CFAP54: variants seen among roughly 807,000 people sequenced by gnomAD.
CFAP54 encodes cilia- and flagella-associated protein 54.
Under a neutral mutation model 370.4 loss-of-function variants are expected in CFAP54, and 290 were observed. The observed-to-expected ratio is 0.78, with a 90% CI of 0.71 to 0.86. The LOEUF is 0.86. CFAP54 is among the 40% of genes least tolerant of loss of function. CFAP54 has a pLI of 0.00. For synonymous variants in CFAP54, 1,206 were observed against 1,236.5 expected, an observed-to-expected ratio of 0.98 and a Z score of 0.52; for missense variants, 3,399 against 3,528.7, an observed-to-expected ratio of 0.96 and a Z score of 0.93.
At chr12:96,729,684 G>A (rs1310001233) in intron 50 of CFAP54, among the ~76,000 whole-genome samples, 3 of 152,194 alleles carry the variant, frequency 2.0e-5, no homozygotes, top group South Asian at 2.1e-4. Flanking sequence ...CGCACGGCGC[G>A]CTGCACCCAC....
At chr12:96,760,292 T>A (rs1958319860) in intron 58 of CFAP54, among the ~76,000 whole-genome samples, 1 of 152,104 alleles carries the variant, frequency 6.6e-6, no homozygotes, top group Admixed American at 6.5e-5. Context: ...AGAGGTATAA[T>A]TTCCATCCAT....
intron 11 of CFAP54, among the ~76,000 whole-genome samples, chr12:96,535,311 A>C (rs1955490387): frequency 6.6e-6 from 1 of 152,168 alleles, no homozygotes; most frequent in African/African-American, 2.4e-5. Context: ...CAGCCTCCCA[A>C]AGTGCTGGGA....
rs75216016 is a variant in CFAP54, at chr12:96,526,065, C to T, written c.1159-1181C>T. Among the ~76,000 whole-genome samples, 528 of 152,230 alleles carry T rather than the reference C, an allele frequency of 3.5e-3. 5 individuals carry two copies. The highest frequency in any genetic ancestry group is 0.012 in the African/African-American group (486 of 41,540). On this transcript the variant is annotated intron_variant, in intron 8 of 67. Coordinates refer to ENST00000524981, the MANE Select transcript of CFAP54 (RefSeq NM_001306084.2). ...TTATGAGTAGGGAAGCTAGTGCTTG[C>T]GGGAAAGTAGTTCAAGGCAACTTTA... is the stretch of plus-strand genomic sequence containing the variant.
intron 50 of CFAP54, among the ~76,000 whole-genome samples, chr12:96,734,294 C>G (rs1957956329): frequency 6.6e-6 from 1 of 152,122 alleles, no homozygotes; most frequent in Non-Finnish European, 1.5e-5. Flanking sequence ...TAATAGCTAG[C>G]ATGCATTATG....
chr12:96,643,652 A>T (rs1456969085), intron 32 of CFAP54, among the ~76,000 whole-genome samples: 16 of 151,734 alleles, frequency 1.1e-4, no homozygotes, highest in Non-Finnish European at 5.9e-5. Context: ...CTATTAGCTA[A>T]AATTTGAGTA....
chr12:96,829,939 G>C (rs949185699), intron 66 of CFAP54, among the ~76,000 whole-genome samples: 2 of 151,990 alleles, frequency 1.3e-5, no homozygotes, highest in African/African-American at 4.8e-5. Context: ...CTACGAATTT[G>C]TCTATTCTAG....
At position 96,783,557 on chromosome 12, in the gene CFAP54, A is replaced by T. The variant is rs1175029718; in HGVS notation, c.8282-1160A>T. ...TGTTAACTCATTGTACATTTTCAGG[A>T]TATATCCATCATTACTCTTATAATG... is the stretch of plus-strand genomic sequence containing the variant. On this transcript the variant is annotated intron_variant, in intron 60 of 67. Transcript: ENST00000524981. Among the ~76,000 whole-genome samples the T allele has an allele frequency of 3.3e-5, 5 of 152,324 alleles. No individual in the cohort carries two copies. In the East Asian group the frequency reaches 9.6e-4, roughly 29 times the overall value.
chr12:96,745,120 C>T, intron 55 of CFAP54, among the ~76,000 whole-genome samples: 1 of 152,168 alleles, frequency 6.6e-6, no homozygotes, highest in East Asian at 1.9e-4. Context: ...TCCATGTCTT[C>T]TCTATTGTGA....
Position 96,574,323 on chromosome 12 carries a change from G to A in CFAP54, c.2620-2262G>A, listed in dbSNP as rs188362583. On this transcript the variant is annotated intron_variant, in intron 19 of 67. Transcript: ENST00000524981. ...CAGAATGAAATACATTTGAAATTTG[G>A]TAGACAGACATATTGTCTTTTCATT... Among the ~76,000 whole-genome samples the A allele has an allele frequency of 1.2e-4, 18 of 152,172 alleles. No homozygotes were observed. The East Asian group carries it at 3.3e-3, about 28-fold the overall frequency.
At chr12:96,696,622 TA>T (rs1449032403) in intron 45 of CFAP54, among the ~76,000 whole-genome samples, 1 of 152,164 alleles carries the variant, frequency 6.6e-6, no homozygotes, top group Admixed American at 6.5e-5. Flanking sequence ...AGAATCTTAT[TA>T]TTTTCTATAA....
At chr12:96,704,264 A>T (rs1957521580) in intron 46 of CFAP54, among the ~76,000 whole-genome samples, 1 of 151,432 alleles carries the variant, frequency 6.6e-6, no homozygotes, top group Non-Finnish European at 1.5e-5. Flanking sequence ...CGTGTCTACT[A>T]AAAATACAAA....
At chr12:96,732,013 C>T (rs1399943429) in intron 50 of CFAP54, among the ~76,000 whole-genome samples, 1 of 152,096 alleles carries the variant, frequency 6.6e-6, no homozygotes, top group Non-Finnish European at 1.5e-5. Context: ...CTGTGTGACG[C>T]CTAATCTTCA....
chr12:96,644,268 G>T lies in CFAP54; in HGVS notation c.4407G>T (p.Arg1469Ser). The change falls in exon 33 of 68, where the codon AGG (arginine) becomes AGT (serine). Residue 1469 changes from arginine (R) to serine (S), a missense_variant. Arg to Ser is a moderately radical substitution (Grantham distance 110). Around this residue, in one of 3 missense-constraint regions of CFAP54, gnomAD observed 2,796 missense variants for 2,869.7 expected, o/e 0.97. Coordinates refer to ENST00000524981, the MANE Select transcript of CFAP54 (RefSeq NM_001306084.2). ...PLILSYVKRK[R>S]FHRLSLEEMP... ...TATTAAGTTATGTTAAAAGAAAGAG[G>T]TTCCATCGTCTATCACTTGAAGAGA... 2.0e-6 allele frequency: 3 copies of T among 1,535,794 alleles called. No individual in the cohort carries two copies. The South Asian group carries it at 3.6e-5, about 18-fold the overall frequency.
At chr12:96,852,648 A>T (rs1261862374) in intron 66 of CFAP54, among the ~76,000 whole-genome samples, 1 of 152,148 alleles carries the variant, frequency 6.6e-6, no homozygotes, top group Non-Finnish European at 1.5e-5. Flanking sequence ...AGTACCAATC[A>T]TAAAGAAAAG....
intron 66 of CFAP54, among the ~76,000 whole-genome samples, chr12:96,843,117 C>T (rs765459913): frequency 3.3e-5 from 5 of 152,140 alleles, no homozygotes; most frequent in South Asian, 2.1e-4. Context: ...TTCTAGGCAA[C>T]GAAGTCCCAG....
intron 15 of CFAP54, among the ~76,000 whole-genome samples, chr12:96,552,118 T>C (rs997451281): frequency 6.6e-6 from 1 of 151,812 alleles, no homozygotes; most frequent in Admixed American, 6.6e-5. Context: ...TGGTGGCGCA[T>C]GCCTGTTATT....
chr12:96,694,633 G>A (rs1957421269), intron 45 of CFAP54, among the ~76,000 whole-genome samples: 1 of 152,062 alleles, frequency 6.6e-6, no homozygotes, highest in African/African-American at 2.4e-5. Flanking sequence ...GCTTTCTTGA[G>A]CTTAAAATCT....
chr12:96,563,181 A>G (rs1481603103), intron 17 of CFAP54, among the ~76,000 whole-genome samples: 1 of 152,176 alleles, frequency 6.6e-6, no homozygotes, highest in Admixed American at 6.5e-5. Context: ...AGACCAAATG[A>G]GTTTTGATCA....
chr12:96,874,456 G>A (rs1960241794), intron 67 of CFAP54, among the ~76,000 whole-genome samples: 3 of 151,916 alleles, frequency 2.0e-5, no homozygotes, highest in Admixed American at 6.6e-5. Flanking sequence ...GTAGGAACAA[G>A]GAAACAGAAG....
Sources: allele counts gnomAD v4.1 joint callset (sites outside exome capture counted in the v4.1 genomes callset), GRCh38; gene constraint gnomAD v4.1.1; regional missense constraint gnomAD v4.1.1; transcripts MANE v1.5; gene names NCBI Gene and HGNC (gene_info 2026-07-23, HGNC 2026-07-21).